GLI3: variants seen among roughly 807,000 people sequenced by gnomAD.
GLI3 encodes transcription activator GLI3.
A neutral mutation model predicts 100.8 loss-of-function variants in GLI3; 20 were observed. The observed-to-expected ratio is 0.20, with a 90% CI of 0.14 to 0.29. The LOEUF (loss-of-function observed/expected upper bound fraction) is 0.29. GLI3 is among the 10% of genes least tolerant of loss of function. The pLI is 1.00. For synonymous variants in GLI3, 938 were observed against 860.5 expected, an observed-to-expected ratio of 1.09 and a Z score of -1.58; for missense variants, 2,040 against 2,128.5, an observed-to-expected ratio of 0.96 and a Z score of 0.82.
chr7:42,143,201 T>A (rs904921359), intron 3 of GLI3, among the ~76,000 whole-genome samples: 4 of 152,194 alleles, frequency 2.6e-5, no homozygotes, highest in Non-Finnish European at 5.9e-5. Flanking sequence ...CCCCAGGGTG[T>A]GACCCAACAT....
intron 1 of GLI3, among the ~76,000 whole-genome samples, chr7:42,235,258 T>C (rs111241379): frequency 0.017 from 2,544 of 152,322 alleles, 28 homozygotes; most frequent in South Asian, 0.036. Flanking sequence ...TATTCAAAAT[T>C]ACCGAGCAAT....
chr7:42,100,147 T>C (rs1298481136), intron 3 of GLI3, among the ~76,000 whole-genome samples: 1 of 152,188 alleles, frequency 6.6e-6, no homozygotes, highest in Non-Finnish European at 1.5e-5. Context: ...CAGTATTTTC[T>C]CACGGAGCTG....
chr7:42,173,457 A>G (rs1249121074), intron 2 of GLI3, among the ~76,000 whole-genome samples: 2 of 152,182 alleles, frequency 1.3e-5, no homozygotes, highest in African/African-American at 4.8e-5. Context: ...TAACGAGGGT[A>G]CTGTCTATTT....
intron 1 of GLI3, among the ~76,000 whole-genome samples, chr7:42,261,200 A>ACAAACACACACACACACAAAC (rs1789135592): frequency 2.0e-5 from 3 of 147,442 alleles, no homozygotes; most frequent in South Asian, 2.2e-4. Context: ...CACACACACA[A>ACAAACACACACACACACAAAC]ACACACACAC....
chr7:42,247,137 C>T (rs1788984638), intron 1 of GLI3, among the ~76,000 whole-genome samples: 1 of 152,048 alleles, frequency 6.6e-6, no homozygotes, highest in African/African-American at 2.4e-5. Flanking sequence ...AACATTGAAC[C>T]TGGGAGGTGG....
intron 10 of GLI3, among the ~76,000 whole-genome samples, chr7:41,997,534 G>T (rs981954228): frequency 1.3e-5 from 2 of 152,048 alleles, no homozygotes; most frequent in Non-Finnish European, 2.9e-5. Context: ...ATGAGCAAAA[G>T]AAAAAAGTGT....
chr7:42,245,733 AT>A (rs1420406196), intron 1 of GLI3, among the ~76,000 whole-genome samples: 1 of 152,114 alleles, frequency 6.6e-6, no homozygotes. Flanking sequence ...TTATAAAATA[AT>A]TTAGAGAATT....
At chr7:41,989,746 T>A (rs1787930558) in intron 10 of GLI3, among the ~76,000 whole-genome samples, 1 of 152,010 alleles carries the variant, frequency 6.6e-6, no homozygotes, top group Non-Finnish European at 1.5e-5. Flanking sequence ...ATAATGCTTA[T>A]TTTGGGCTGG....
chr7:42,158,239 C>T (rs1388665424), intron 2 of GLI3, among the ~76,000 whole-genome samples: 1 of 152,200 alleles, frequency 6.6e-6, no homozygotes, highest in Non-Finnish European at 1.5e-5. Context: ...ATGTGCTCCA[C>T]ATGCGTTAAT....
At chr7:42,249,228 G>A (rs1185808034) in intron 1 of GLI3, among the ~76,000 whole-genome samples, 2 of 152,046 alleles carry the variant, frequency 1.3e-5, no homozygotes, top group African/African-American at 4.8e-5. Context: ...GAACTATTGC[G>A]CTCTGCCATT....
intron 2 of GLI3, among the ~76,000 whole-genome samples, chr7:42,164,972 G>A: frequency 6.6e-6 from 1 of 151,078 alleles, no homozygotes; most frequent in East Asian, 2.0e-4. Flanking sequence ...AGGAAATGAG[G>A]CTTTTAAATC....
chr7:42,226,217 A>T (rs900468711), intron 1 of GLI3, among the ~76,000 whole-genome samples: 1 of 152,224 alleles, frequency 6.6e-6, no homozygotes, highest in Non-Finnish European at 1.5e-5. Context: ...AGAGTCTACA[A>T]CGTTAAAACT....
chr7:42,152,522 CATGCTAA>C, intron 2 of GLI3: 1 of 617,704 alleles, frequency 1.6e-6, no homozygotes, highest in East Asian at 1.4e-4. Flanking sequence ...TGGTTGGAGC[CATGCTAA>C]ATTTAACAAG....
intron 2 of GLI3, among the ~76,000 whole-genome samples, chr7:42,221,173 T>A (rs1274149675): frequency 2.0e-5 from 3 of 152,160 alleles, no homozygotes; most frequent in Non-Finnish European, 2.9e-5. Flanking sequence ...TCAGATTAGT[T>A]CTGTTCCCAA....
At chr7:42,262,235 T>G (rs1392553123) in intron 1 of GLI3, among the ~76,000 whole-genome samples, 1 of 147,390 alleles carries the variant, frequency 6.8e-6, no homozygotes, top group African/African-American at 2.5e-5. Context: ...TTTCCTTCCT[T>G]CCTTCCTTCC....
chr7:42,165,850 A>G (rs1240257119), intron 2 of GLI3, among the ~76,000 whole-genome samples: 1 of 152,240 alleles, frequency 6.6e-6, no homozygotes, highest in Non-Finnish European at 1.5e-5. Flanking sequence ...CCATAAAACC[A>G]TAGATGAAAA....
At chr7:42,021,026 C>T (rs1368205600) in intron 10 of GLI3, among the ~76,000 whole-genome samples, 1 of 151,972 alleles carries the variant, frequency 6.6e-6, no homozygotes, top group Non-Finnish European at 1.5e-5. Context: ...TATTCTATAA[C>T]AGGCCACCAT....
At chr7:42,199,443 C>T (rs1787993771) in intron 2 of GLI3, among the ~76,000 whole-genome samples, 1 of 152,216 alleles carries the variant, frequency 6.6e-6, no homozygotes, top group Non-Finnish European at 1.5e-5. Context: ...GGCACACAAG[C>T]AGGACTCCCC....
intron 3 of GLI3, among the ~76,000 whole-genome samples, chr7:42,097,490 G>A (rs1172726748): frequency 3.3e-5 from 5 of 152,100 alleles, no homozygotes; most frequent in Admixed American, 3.3e-4. Context: ...GTGATGCCTG[G>A]GGCCTACCCC....
Sources: allele counts gnomAD v4.1 joint callset (sites outside exome capture counted in the v4.1 genomes callset), GRCh38; gene constraint gnomAD v4.1.1; transcripts MANE v1.5; gene names NCBI Gene and HGNC (gene_info 2026-07-23, HGNC 2026-07-21).